The following ASXL2 variants were observed in gnomAD, a reference collection of about 807,000 sequenced individuals.
The protein encoded by ASXL2 is putative Polycomb group protein ASXL2.
A neutral mutation model predicts 122.0 loss-of-function variants in ASXL2; 23 were observed. The observed-to-expected ratio is 0.19, with a 90% CI of 0.14 to 0.27. The LOEUF (loss-of-function observed/expected upper bound fraction) is 0.27, where lower values mean the gene tolerates loss of function less well. ASXL2 is among the 10% of genes least tolerant of loss of function. ASXL2 has a pLI of 1.00. For synonymous variants in ASXL2, 650 were observed against 637.0 expected (o/e 1.02, Z -0.31); for missense variants, 1,518 against 1,713.8 (o/e 0.89, Z 2.02).
chr2:25,863,952 G>A (rs1386579703), intron 1 of ASXL2, among the ~76,000 whole-genome samples: 2 of 150,916 alleles, frequency 1.3e-5, no homozygotes, highest in African/African-American at 2.4e-5. Context: ...GCTGCAGTAA[G>A]CTGAGATCAC....
rs2087778269 is a variant in ASXL2 at position 25,738,784 on chromosome 2, G to A, written c.*3245C>T. The A allele has an allele frequency of 6.6e-6, 1 of 152,142 alleles. No individual in the cohort carries two copies. The highest frequency in any genetic ancestry group is 1.5e-5 in the Non-Finnish European group (1 of 68,036). 9.4% of individuals were successfully genotyped at this position (152,142 alleles called of 1,614,324 possible). On this transcript the variant is annotated 3_prime_UTR_variant, in exon 13 of 13. Transcript: ENST00000435504. ...CTTTGGCTATTTAAATCTGAGATAAGCTCTAAAACATGTACATCCGTATGC... is the reference window on the plus strand; with the variant it reads ...CTTTGGCTATTTAAATCTGAGATAAACTCTAAAACATGTACATCCGTATGC...
chr2:25,848,377 C>T (rs1018727804), intron 1 of ASXL2, among the ~76,000 whole-genome samples: 1 of 152,060 alleles, frequency 6.6e-6, no homozygotes, highest in African/African-American at 2.4e-5. Context: ...AATCCCAGCA[C>T]TTTGGGAGGC....
chr2:25,748,500 C>T (rs990382040), intron 12 of ASXL2, among the ~76,000 whole-genome samples: 2 of 134,068 alleles, frequency 1.5e-5, no homozygotes, highest in South Asian at 2.3e-4. Context: ...AACGAGACTC[C>T]GTTAAAAAAA....
chr2:25,854,856 C>T (rs2089758130), intron 1 of ASXL2, among the ~76,000 whole-genome samples: 1 of 152,178 alleles, frequency 6.6e-6, no homozygotes, highest in Admixed American at 6.5e-5. Flanking sequence ...TTCCACTCAT[C>T]CTCTATAGTA....
intron 5 of ASXL2, among the ~76,000 whole-genome samples, chr2:25,779,518 T>C (rs1181680022): frequency 1.3e-5 from 2 of 152,212 alleles, no homozygotes; most frequent in Non-Finnish European, 2.9e-5. Flanking sequence ...AATATAATTA[T>C]TGAAATTAAG....
At chr2:25,814,781 A>C (rs1574430115) in intron 3 of ASXL2, among the ~76,000 whole-genome samples, 1 of 152,204 alleles carries the variant, frequency 6.6e-6, no homozygotes, top group Admixed American at 6.5e-5. Context: ...CAATCATTGT[A>C]CTGCTTAGAT....
chr2:25,836,246 A>T (rs1419553707), intron 2 of ASXL2, among the ~76,000 whole-genome samples: 10 of 152,194 alleles, frequency 6.6e-5, no homozygotes, highest in Admixed American at 5.2e-4. Flanking sequence ...AAAAAGAAAA[A>T]GAGGAGGAAG....
At chr2:25,865,522 C>T (rs2089892404) in intron 1 of ASXL2, among the ~76,000 whole-genome samples, 2 of 151,482 alleles carry the variant, frequency 1.3e-5, no homozygotes, top group South Asian at 2.1e-4. Flanking sequence ...AATCCCAGCA[C>T]TTTGGGAGGC....
At chr2:25,801,874 A>T (rs1240766598) in intron 4 of ASXL2, among the ~76,000 whole-genome samples, 1 of 152,134 alleles carries the variant, frequency 6.6e-6, no homozygotes, top group African/African-American at 2.4e-5. Context: ...TATTCTCTTA[A>T]ACTTGGATTT....
At chr2:25,808,696 A>G (rs2089120357) in intron 3 of ASXL2, among the ~76,000 whole-genome samples, 1 of 152,056 alleles carries the variant, frequency 6.6e-6, no homozygotes, top group Non-Finnish European at 1.5e-5. Context: ...TTTTGGAGAG[A>G]CCTGTTCTTT....
rs1004952488 is a variant in ASXL2 at position 25,742,187 on chromosome 2, C to A, written c.4150G>T (p.Val1384Phe). Residue 1384 changes from valine to phenylalanine, a missense_variant, in exon 13 of 13, where the codon GTT becomes TTT. Val to Phe is a conservative substitution (Grantham distance 50). Around this residue, in one of 8 missense-constraint regions of ASXL2, gnomAD observed 831 missense variants for 833.1 expected, o/e 1.00. Transcript: ENST00000435504. The stretch of plus-strand genomic sequence containing the variant: ...CTGTTCTCTTCGGAGAACGCCTGAA[C>A]AGGAATGGTCTGGCCATGGCTGCTG... ...NPSSHGQTIPVQAFSEENSIE... is the reference protein window; with the variant it reads ...NPSSHGQTIPFQAFSEENSIE... 6.2e-7 allele frequency: 1 copy of A among 1,614,008 alleles called. No individual in the cohort carries two copies. The highest frequency in any genetic ancestry group is 1.1e-5 in the South Asian group (1 of 91,086).
rs541476053 is a variant in ASXL2, at chr2:25,878,485, T to C, written c.-263A>G. Reference sequence around the variant, plus strand: ...ACTGTACAGGCTGCCGCTACGGTCATGTGACCGCTCCCGCGCGGCCGTCAC... The same window carrying C: ...ACTGTACAGGCTGCCGCTACGGTCACGTGACCGCTCCCGCGCGGCCGTCAC... On this transcript the variant is annotated 5_prime_UTR_variant, in exon 1 of 13. An upstream start codon of the reference 5' UTR is lost. Transcript: ENST00000435504. 3.5e-4 allele frequency: 167 copies of C among 482,428 alleles called. No individual in the cohort carries two copies. Among genetic ancestry groups the C allele is most frequent in the Non-Finnish European group, 4.6e-4 (124 of 271,360 alleles). The allele number at this position is 482,428 out of a possible 1,614,324, so 29.9% of individuals were successfully genotyped here.
At chr2:25,773,394 G>A (rs977186645) in intron 5 of ASXL2, among the ~76,000 whole-genome samples, 19 of 152,144 alleles carry the variant, frequency 1.2e-4, no homozygotes, top group African/African-American at 2.9e-4. Context: ...GGCCAGGCGC[G>A]GTGGCTCACG....
At position 25,772,203 on chromosome 2, in the gene ASXL2, GTAGA is replaced by G. The variant is rs754475215; in HGVS notation, c.404-667_404-664del. 7.0e-4 allele frequency among the ~76,000 whole-genome samples: 106 copies of G among 152,100 alleles called. 1 individual carries two copies. The highest frequency in any genetic ancestry group is 1.9e-4 in the Non-Finnish European group (13 of 68,018). On this transcript the variant is annotated intron_variant, in intron 5 of 12. Transcript: ENST00000435504. ...AGAATCTATACCTCTTAAACAGCAA[GTAGA>G]TATTTATGTTCTATAAAATTAAACA...
intron 5 of ASXL2, among the ~76,000 whole-genome samples, chr2:25,780,620 A>C (rs2088618965): frequency 1.3e-5 from 2 of 152,200 alleles, no homozygotes; most frequent in Non-Finnish European, 2.9e-5. Flanking sequence ...GGTGATTCTG[A>C]CGCAAGCTCG....
intron 3 of ASXL2, among the ~76,000 whole-genome samples, chr2:25,813,966 C>T (rs995523206): frequency 2.0e-5 from 3 of 152,106 alleles, no homozygotes; most frequent in Non-Finnish European, 4.4e-5. Context: ...AGGAGAATGG[C>T]GTGAACCCAG....
rs2087915978 is a variant in ASXL2 at position 25,744,951 on chromosome 2, ACAC to A, written c.1861-478_1861-476del. Reference sequence around the variant, plus strand: ...TTCTCTGTTCCACACACACACACACACACACACACACACACACACACACACACA... The same window carrying A: ...TTCTCTGTTCCACACACACACACACAACACACACACACACACACACACACA... On this transcript the variant is annotated intron_variant, in intron 12 of 12. Coordinates refer to ENST00000435504, the MANE Select transcript of ASXL2 (RefSeq NM_018263.6). The surrounding 1 kb of genome is among the most constrained non-coding windows in gnomAD (Gnocchi z 4.7). Among the ~76,000 whole-genome samples, 3 of 148,408 alleles carry A rather than the reference ACAC, an allele frequency of 2.0e-5. No individual in the cohort carries two copies. In the South Asian group the frequency reaches 6.4e-4, roughly 32 times the overall value.
At chr2:25,764,137 G>A (rs6724092) in intron 8 of ASXL2, among the ~76,000 whole-genome samples, 40,593 of 151,966 alleles carry the variant, frequency 0.27, 5,671 homozygotes, top group Non-Finnish European at 0.29. Flanking sequence ...AAAAACAAAG[G>A]TTTCTACATT....
At chr2:25,849,180 G>A (rs1375725876) in intron 1 of ASXL2, among the ~76,000 whole-genome samples, 1 of 148,902 alleles carries the variant, frequency 6.7e-6, no homozygotes, top group Non-Finnish European at 1.5e-5. Flanking sequence ...GCTCACACCT[G>A]TAATCCCAGC....
Sources: gnomAD v4.1 joint callset for allele counts (sites outside exome capture counted in the v4.1 genomes callset) on GRCh38, gnomAD v4.1.1 for gene constraint, gnomAD v4.1.1 regional missense constraint, Gnocchi (gnomAD v3.1) non-coding constraint, MANE v1.5 for transcripts, NCBI Gene and HGNC (gene_info 2026-07-23, HGNC 2026-07-21) for gene names.